Variants in KRT77 observed in about 807,000 individuals in gnomAD.
The protein encoded by KRT77 is keratin 77.
In KRT77, 44 loss-of-function variants were observed where a neutral mutation model predicts 51.5. The observed-to-expected ratio is 0.85, with a 90% CI of 0.67 to 1.10. KRT77 has a LOEUF of 1.10. Among genes scored for constraint, KRT77 ranks in the 50% least tolerant of loss-of-function variants. KRT77 has a pLI of 0.00. For synonymous variants in KRT77, 293 were observed against 302.0 expected, an observed-to-expected ratio of 0.97 and a Z score of 0.31; for missense variants, 763 against 743.9, an observed-to-expected ratio of 1.03 and a Z score of -0.30.
In KRT77 at chr12:52,703,231, T is replaced by C. The variant is rs1420281437; in HGVS notation, c.204A>G (p.Arg68=). The stretch of plus-strand genomic sequence containing the variant: ...TCCCCATTAGATTAATGGAGATGCT[T>C]CTACTGCCACCCAGATTGTAGAGGC... The part of the protein sequence containing the change: ...SRSLYNLGGS[R]SISINLMGRS... Residue 68 remains arginine, a synonymous_variant, in exon 1 of 9, where the codon AGA becomes AGG. Coordinates refer to ENST00000341809, the MANE Select transcript of KRT77 (RefSeq NM_175078.3). The C allele has an allele frequency of 6.2e-7, 1 of 1,613,564 alleles. No individual in the cohort carries two copies. The highest frequency in any genetic ancestry group is 8.5e-7 in the Non-Finnish European group (1 of 1,179,926).
intron 4 of KRT77, among the ~76,000 whole-genome samples, 165 bp downstream of exon 4, chr12:52,695,607 T>TG (rs1428925467): frequency 6.6e-6 from 1 of 152,040 alleles, no homozygotes; most frequent in Non-Finnish European, 1.5e-5. Context: ...TTCTGAGGAT[T>TG]GGGGTGGAGA....
chr12:52,692,480 C>T lies in KRT77; in HGVS notation c.1368G>A (p.Lys456=), dbSNP rs1401029069. Residue 456 remains lysine, a synonymous_variant, in exon 7 of 9, where the codon AAG becomes AAA. Transcript: ENST00000341809. Reference sequence around the variant, plus strand: ...TGGCGATCTCCACATCCAGGGACAGCTTGACCCCCAGCATGGCCTGGTAGT... The same window carrying T: ...TGGCGATCTCCACATCCAGGGACAGTTTGACCCCCAGCATGGCCTGGTAGT... ...LRDYQAMLGV[K]LSLDVEIATY... 1.2e-6 allele frequency: 2 copies of T among 1,614,024 alleles called. No homozygotes were observed. The highest frequency in any genetic ancestry group is 1.7e-6 in the Non-Finnish European group (2 of 1,180,032).
intron 1 of KRT77, among the ~76,000 whole-genome samples, chr12:52,698,804 G>A (rs759048601): frequency 2.6e-5 from 4 of 152,218 alleles, no homozygotes; most frequent in Non-Finnish European, 4.4e-5. Flanking sequence ...TTGCTCGGCC[G>A]CATGCAGGCG....
chr12:52,698,754 T>C (rs936788797), intron 1 of KRT77, among the ~76,000 whole-genome samples: 2 of 152,200 alleles, frequency 1.3e-5, no homozygotes, highest in African/African-American at 2.4e-5. Context: ...GAGCCTCTGC[T>C]CCAGTGCCCT....
Position 52,697,790 on chromosome 12 carries a change from T to C in KRT77, c.650A>G (p.Asn217Ser), listed in dbSNP as rs529944681. The C allele has an allele frequency of 1.2e-6, 2 of 1,614,104 alleles. No homozygotes were observed. Among genetic ancestry groups the C allele is most frequent in the Middle Eastern group, 1.7e-4 (1 of 6,060 alleles). ...GTNNLEPLLE[N>S]YIGDLRRQVD... The stretch of plus-strand genomic sequence containing the variant: ...CTGCCTCCGCAGGTCACCGATGTAG[T>C]TCTCCAAGAGGGGCTCCAGGTTGTT... Residue 217 changes from asparagine to serine, a missense_variant, in exon 2 of 9, where the codon AAC (asparagine) becomes AGC (serine). Asn to Ser is a conservative substitution (Grantham distance 46). Transcript: ENST00000341809.
chr12:52,692,936 A>G, intron 5 of KRT77, 56 bp from the exon 6 acceptor site: 1 of 1,579,760 alleles, frequency 6.3e-7, no homozygotes. Flanking sequence ...AAGCCCCTCC[A>G]GGAGGGAGTA....
At chr12:52,700,490 C>T (rs61927661) in intron 1 of KRT77, among the ~76,000 whole-genome samples, 20,713 of 151,852 alleles carry the variant, frequency 0.14, 1,911 homozygotes, top group African/African-American at 0.25. Flanking sequence ...GGAAGAGTTC[C>T]ATGCAGAGGG....
At position 52,694,157 on chromosome 12, in the gene KRT77, C is replaced by T. The variant is rs186671595; in HGVS notation, c.1080+469G>A. ...ACACAAACCCAATTTTAATTAAGCT[C>T]TGGCTCTGCCATTTACTAGCTACAA... On this transcript the variant is annotated intron_variant, in intron 5 of 8. Transcript: ENST00000341809. 1.8e-4 allele frequency among the ~76,000 whole-genome samples: 27 copies of T among 152,236 alleles called. No individual in the cohort carries two copies. In the East Asian group the frequency reaches 4.2e-3, roughly 24 times the overall value.
intron 7 of KRT77, 48 bp from the exon 8 acceptor site, chr12:52,692,020 G>T (rs1592271224): frequency 1.2e-6 from 2 of 1,601,372 alleles, no homozygotes; most frequent in South Asian, 1.1e-5. Flanking sequence ...GGCCTGAGGA[G>T]AGAAGGCTGT....
In KRT77 at chr12:52,703,400, C is replaced by T. The variant is rs376998734; in HGVS notation, c.35G>A (p.Ser12Asn). The stretch of plus-strand genomic sequence containing the variant: ...ACTATAAACCCGCCTGCTCATTGAA[C>T]TAAACGCGGACTGAGAACTAAATTG... The part of the protein sequence containing the change: ...SHQFSSQSAF[S>N]SMSRRVYSTS... Residue 12 changes from serine (S) to asparagine (N), a missense_variant, in exon 1 of 9, where the codon AGT becomes AAT. Coordinates refer to ENST00000341809, the MANE Select transcript of KRT77 (RefSeq NM_175078.3). 82 of 1,605,624 alleles carry T rather than the reference C, an allele frequency of 5.1e-5. No homozygotes were observed. The highest frequency in any genetic ancestry group is 6.3e-5 in the Non-Finnish European group (74 of 1,174,208).
chr12:52,695,726 T>G, intron 4 of KRT77, 46 bp downstream of exon 4: 48 of 1,360,436 alleles, frequency 3.5e-5, no homozygotes, highest in Non-Finnish European at 4.6e-5. Flanking sequence ...ATACTCCTTG[T>G]GAGATGTGAG....
Position 52,702,876 on chromosome 12 carries a change from C to A in KRT77, c.543+16G>T, listed in dbSNP as rs201509471. On this transcript the variant is annotated intron_variant, in intron 1 of 8. Transcript: ENST00000341809. ...GGTCAGTGACCAATGACCCTCCCTG[C>A]CCCTGAGGTGCTCACCTTGTCAATG... 400 of 1,613,230 alleles carry A rather than the reference C, an allele frequency of 2.5e-4. No individual in the cohort carries two copies. The highest frequency in any genetic ancestry group is 3.2e-4 in the Non-Finnish European group (380 of 1,179,522).
intron 5 of KRT77, 109 bp from the exon 6 acceptor site, chr12:52,692,989 A>G: frequency 2.3e-6 from 3 of 1,295,086 alleles, no homozygotes; most frequent in Middle Eastern, 4.0e-4. Context: ...CCCACCTTGC[A>G]CTGTGGTCAC....
Position 52,694,684 on chromosome 12 carries a change from T to A in KRT77, c.1022A>T (p.Gln341Leu). 6.2e-7 allele frequency: 1 copy of A among 1,613,710 alleles called. No individual in the cohort carries two copies. The highest frequency in any genetic ancestry group is 8.5e-7 in the Non-Finnish European group (1 of 1,179,720). The change falls in exon 5 of 9, where the codon CAG becomes CTG. Residue 341 changes from glutamine to leucine, a missense_variant. Coordinates refer to ENST00000341809, the MANE Select transcript of KRT77 (RefSeq NM_175078.3). ...GCTCCTCTGTGCAATCAGTTCATAC[T>A]GGGTCCGCACTGCATCGATGATGCT... ...LDSIIDAVRT[Q>L]YELIAQRSKD... is the part of the protein sequence containing the mutation.
intron 1 of KRT77, among the ~76,000 whole-genome samples, chr12:52,700,772 G>A (rs1941876735): frequency 6.6e-6 from 1 of 152,226 alleles, no homozygotes; most frequent in South Asian, 2.1e-4. Context: ...GGGCCTTGTA[G>A]GACTTGGGCT....
intron 1 of KRT77, chr12:52,698,210 A>C: frequency 8.0e-7 from 1 of 1,251,024 alleles, no homozygotes; most frequent in Non-Finnish European, 1.1e-6. Context: ...CAACGTAAGG[A>C]AATGGTGTTT....
chr12:52,691,899 A>G, intron 8 of KRT77, 39 bp downstream of exon 8: 1 of 1,612,930 alleles, frequency 6.2e-7, no homozygotes, highest in Non-Finnish European at 8.5e-7. Flanking sequence ...TCCACCCAGC[A>G]CCACCAGCCT....
At chr12:52,692,376 G>A in intron 7 of KRT77, 45 bp downstream of exon 7, 1 of 1,597,272 alleles carries the variant, frequency 6.3e-7, no homozygotes, top group Non-Finnish European at 8.6e-7. Context: ...AGCTTCATGG[G>A]TGCATCTCAA....
chr12:52,699,778 G>A (rs1565654654), intron 1 of KRT77, among the ~76,000 whole-genome samples: 1 of 152,186 alleles, frequency 6.6e-6, no homozygotes, highest in Non-Finnish European at 1.5e-5. Flanking sequence ...GTTGAGACTT[G>A]CAGTCATGTG....
Sources: gnomAD v4.1 joint callset for allele counts (sites outside exome capture counted in the v4.1 genomes callset) on GRCh38, gnomAD v4.1.1 for gene constraint, MANE v1.5 for transcripts, NCBI Gene and HGNC (gene_info 2026-07-23, HGNC 2026-07-21) for gene names.